Variants in PLCH2 observed in about 807,000 individuals in gnomAD.
PLCH2 encodes the protein 1-phosphatidylinositol 4,5-bisphosphate phosphodiesterase eta-2.
PLCH2 carries 98 observed loss-of-function variants against 134.7 expected under a neutral mutation model. The observed-to-expected ratio is 0.73, with a 90% CI of 0.62 to 0.86. The LOEUF (loss-of-function observed/expected upper bound fraction) is 0.86. Ranked by LOEUF, PLCH2 falls within the 40% of genes least tolerant of loss-of-function variation. The probability of loss-of-function intolerance (pLI) is 0.00; values close to 1 mark genes in which losing one functional copy is unlikely to be tolerated. For synonymous variants in PLCH2, 974 were observed against 827.5 expected, an observed-to-expected ratio of 1.18 and a Z score of -3.04; for missense variants, 1,994 against 1,986.6, an observed-to-expected ratio of 1.00 and a Z score of -0.07.
upstream of PLCH2, among the ~76,000 whole-genome samples, chr1:2,471,458 C>T (rs997552887): frequency 7.2e-5 from 11 of 152,234 alleles, no homozygotes; most frequent in Admixed American, 5.9e-4. Flanking sequence ...CAAGTTCCTG[C>T]ACCTTTCTGT....
At chr1:2,465,638 T>A (rs1307929332), upstream of PLCH2, among the ~76,000 whole-genome samples, 1 of 152,216 alleles carries the variant, frequency 6.6e-6, no homozygotes, top group East Asian at 1.9e-4. Context: ...AGAATTCTGC[T>A]TAAATGCCCA....
At position 2,505,152 on chromosome 1, in the gene PLCH2, C is replaced by T. The variant is rs893005333; in HGVS notation, c.4190C>T (p.Ser1397Phe). The T allele has an allele frequency of 6.4e-7, 1 of 1,563,858 alleles. No homozygotes were observed. Among genetic ancestry groups the T allele is most frequent in the Non-Finnish European group, 8.6e-7 (1 of 1,164,758 alleles). Residue 1397 changes from serine to phenylalanine, a missense_variant, in exon 22 of 22, where the codon TCC (serine) becomes TTC (phenylalanine). Physicochemically the swap from Ser to Phe is radical, Grantham distance 155. Transcript: ENST00000378486. ...GGCAGTGTGGATGCACCAGCACCCTCCAAGGGAGCCCTCGGGCCAGCATCC... is the reference window on the plus strand; with the variant it reads ...GGCAGTGTGGATGCACCAGCACCCTTCAAGGGAGCCCTCGGGCCAGCATCC... ...HEGSVDAPAP[S>F]KGALGPASAA...
chr1:2,443,575 G>A (rs1278285775), intron 2 of PLCH2, among the ~76,000 whole-genome samples: 2 of 151,444 alleles, frequency 1.3e-5, no homozygotes, highest in Non-Finnish European at 3.0e-5. Flanking sequence ...TGGCTGCGGC[G>A]GGCGCAGGGC....
At chr1:2,490,115 C>T (rs1642492409) in intron 10 of PLCH2, among the ~76,000 whole-genome samples, 1 of 150,990 alleles carries the variant, frequency 6.6e-6, no homozygotes, top group African/African-American at 2.4e-5. Flanking sequence ...GGGTACCATC[C>T]ACTCCCCCTG....
In PLCH2 at chr1:2,444,616, C is replaced by T. The variant is rs1257784328; in HGVS notation, c.115+13987C>T. 1.3e-5 allele frequency among the ~76,000 whole-genome samples: 2 copies of T among 152,114 alleles called. No homozygotes were observed. The highest frequency in any genetic ancestry group is 2.9e-5 in the Non-Finnish European group (2 of 67,994). On this transcript the variant is annotated intron_variant, in intron 2 of 3. Transcript: ENST00000609981. The surrounding 1 kb of genome is among the most constrained non-coding windows in gnomAD (Gnocchi z 4.6). The stretch of plus-strand genomic sequence containing the variant: ...ACAGGGTATTCTTTAGGGAGATGGG[C>T]TCTGCTGGAGCTGGTGGAGGAAGAT...
chr1:2,472,786 AGG>A (rs1641391284), upstream of PLCH2, among the ~76,000 whole-genome samples: 1 of 152,002 alleles, frequency 6.6e-6, no homozygotes, highest in African/African-American at 2.4e-5. Context: ...GGCCTGGAAG[AGG>A]TGGGGCCCCT....
Position 2,455,088 on chromosome 1 carries a change from A to G in PLCH2, c.116-23388A>G, listed in dbSNP as rs540950330. Among the ~76,000 whole-genome samples the G allele has an allele frequency of 2.6e-4, 39 of 152,142 alleles. 1 individual carries two copies. Among genetic ancestry groups the G allele is most frequent in the Admixed American group, 1.7e-3 (26 of 15,302 alleles). On this transcript the variant is annotated intron_variant, in intron 2 of 3. Transcript: ENST00000609981. Reference sequence around the variant, plus strand: ...TGAAGCCTCCATGGGCCAGACCCCCATGATGCTGAGCCCCCAGCGGAGCCG... The same window carrying G: ...TGAAGCCTCCATGGGCCAGACCCCCGTGATGCTGAGCCCCCAGCGGAGCCG...
upstream of PLCH2, among the ~76,000 whole-genome samples, chr1:2,473,075 C>A (rs1156897842): frequency 2.6e-5 from 4 of 152,100 alleles, no homozygotes; most frequent in East Asian, 5.8e-4. Flanking sequence ...CAAGATCGAT[C>A]TCCGCCATAA....
chr1:2,495,050 T>G, intron 12 of PLCH2, 102 bp downstream of exon 12: 1 of 788,430 alleles, frequency 1.3e-6, no homozygotes, highest in Non-Finnish European at 2.0e-6. Flanking sequence ...GTGTCCTCCC[T>G]GCTCCCAGTG....
rs1322233937 is a variant in PLCH2, at chr1:2,476,303, C to A, written c.-286C>A. ...GCGGGGCTGAGGTCCTTTGCTCCCC[C>A]AGCCTTGGGAGGCGGCTGCGTCAGG... is the stretch of plus-strand genomic sequence containing the variant. On this transcript the variant is annotated 5_prime_UTR_variant, in exon 1 of 22. Coordinates refer to ENST00000378486, the MANE Select transcript of PLCH2 (RefSeq NM_014638.4). 2 of 348,684 alleles carry A rather than the reference C, an allele frequency of 5.7e-6. No individual in the cohort carries two copies. 21.6% of individuals were successfully genotyped at this position (348,684 alleles called of 1,614,324 possible).
intron 13 of PLCH2, among the ~76,000 whole-genome samples, 152 bp from the exon 14 acceptor site, chr1:2,496,455 A>C (rs1289910234): frequency 6.6e-6 from 1 of 152,210 alleles, no homozygotes; most frequent in Non-Finnish European, 1.5e-5. Context: ...AGGTTTCCGC[A>C]GCCCGCGGCC....
chr1:2,439,224 A>C lies in PLCH2; in HGVS notation c.115+8595A>C, dbSNP rs776995086. 2.1e-5 allele frequency among the ~76,000 whole-genome samples: 3 copies of C among 141,160 alleles called. No individual in the cohort carries two copies. The highest frequency in any genetic ancestry group is 3.0e-5 in the Non-Finnish European group (2 of 66,042). The allele number at this position is 141,160 out of a possible 152,430, so 92.6% of individuals were successfully genotyped here. The stretch of plus-strand genomic sequence containing the variant: ...GCCTCAATGATTCCTAAGGGCAGGC[A>C]GTGCCTATAAAGACCTTTGGCCCCC... On this transcript the variant is annotated intron_variant, in intron 2 of 3. Transcript: ENST00000609981. This position sits in a 1 kb window ranked among gnomAD's most constrained non-coding sequence, Gnocchi z 4.7.
chr1:2,473,171 G>C (rs995542577), upstream of PLCH2, among the ~76,000 whole-genome samples: 1 of 152,218 alleles, frequency 6.6e-6, no homozygotes, highest in Non-Finnish European at 1.5e-5. Context: ...TTCCAGCCTT[G>C]GGAAGAAAGG....
chr1:2,492,857 TC>T (rs36017014), intron 11 of PLCH2, among the ~76,000 whole-genome samples: 2 of 151,906 alleles, frequency 1.3e-5, no homozygotes, highest in African/African-American at 2.4e-5. Context: ...TACTCACGAG[TC>T]CCTGAGGCCC....
upstream of PLCH2, among the ~76,000 whole-genome samples, chr1:2,464,190 G>A (rs1640952243): frequency 6.6e-6 from 1 of 152,190 alleles, no homozygotes; most frequent in African/African-American, 2.4e-5. Context: ...AAGTCCTGGG[G>A]GTGGAGTCTC....
At chr1:2,443,206 G>C (rs1042255468) in intron 2 of PLCH2, among the ~76,000 whole-genome samples, 1 of 152,216 alleles carries the variant, frequency 6.6e-6, no homozygotes, top group Non-Finnish European at 1.5e-5. Context: ...CTTGGGGCTG[G>C]GCCGTACCCC....
the PLCH2 span, among the ~76,000 whole-genome samples, chr1:2,418,646 C>G: frequency 1.3e-5 from 2 of 152,374 alleles, no homozygotes; most frequent in South Asian, 4.1e-4. Context: ...GGCTCAGGAT[C>G]TTCAGTCAGG....
chr1:2,455,780 C>T (rs866696226), intron 2 of PLCH2, among the ~76,000 whole-genome samples: 9 of 152,066 alleles, frequency 5.9e-5, no homozygotes, highest in Admixed American at 2.6e-4. Context: ...GTATGGCCAC[C>T]GGGAGCCCCT....
intron 2 of PLCH2, among the ~76,000 whole-genome samples, chr1:2,440,421 C>T (rs34300670): frequency 6.6e-6 from 1 of 152,180 alleles, no homozygotes; most frequent in Non-Finnish European, 1.5e-5. Flanking sequence ...TGGCCTTGCC[C>T]GGCCCGCCCG....
Sources: gnomAD v4.1 joint callset for allele counts (sites outside exome capture counted in the v4.1 genomes callset) on GRCh38, gnomAD v4.1.1 for gene constraint, Gnocchi (gnomAD v3.1) non-coding constraint, MANE v1.5 for transcripts, NCBI Gene and HGNC (gene_info 2026-07-23, HGNC 2026-07-21) for gene names.